RFX4: variants seen among roughly 807,000 people sequenced by gnomAD.
RFX4 encodes regulatory factor X4.
RFX4 carries 10 observed loss-of-function variants against 95.0 expected under a neutral mutation model. The observed-to-expected ratio is 0.11, with a 90% CI of 0.06 to 0.18. RFX4 has a LOEUF of 0.18. RFX4 is among the 10% of genes least tolerant of loss of function. The pLI, the probability that RFX4 is intolerant of heterozygous loss-of-function variation, is 1.00. For synonymous variants in RFX4, 321 were observed against 340.7 expected (o/e 0.94, Z 0.64); for missense variants, 640 against 922.0 (o/e 0.69, Z 3.96).
chr12:106,663,318 T>C (rs2041112365), intron 4 of RFX4, among the ~76,000 whole-genome samples: 1 of 152,108 alleles, frequency 6.6e-6, no homozygotes, highest in Admixed American at 6.5e-5. Context: ...GAGGGGATGC[T>C]AACATAAATA....
chr12:106,583,088 C>A lies in RFX4; in HGVS notation c.-233C>A. ...CTCGCTTTTTCTCTCTCCCCCTTCT[C>A]CGAGCTCGCTCCCTTCTCTCCCTCT... is the stretch of plus-strand genomic sequence containing the variant. On this transcript the variant is annotated 5_prime_UTR_variant, in exon 1 of 18. Transcript: ENST00000392842. 1 of 448,994 alleles carries A rather than the reference C, an allele frequency of 2.2e-6. No individual in the cohort carries two copies. Among genetic ancestry groups the A allele is most frequent in the Non-Finnish European group, 3.9e-6 (1 of 259,144 alleles). The allele number at this position is 448,994 out of a possible 1,614,324, so 27.8% of individuals were successfully genotyped here.
chr12:106,664,536 C>T (rs531993346), intron 4 of RFX4, among the ~76,000 whole-genome samples: 1 of 151,734 alleles, frequency 6.6e-6, no homozygotes, highest in African/African-American at 2.4e-5. Context: ...TTATTGATTT[C>T]CTGTTTTCAA....
chr12:106,641,029 C>T (rs2040612711), intron 3 of RFX4, among the ~76,000 whole-genome samples: 1 of 152,146 alleles, frequency 6.6e-6, no homozygotes, highest in Non-Finnish European at 1.5e-5. Context: ...GACCCTCCTG[C>T]CTTGGCCTGT....
chr12:106,729,003 G>A (rs547811347), intron 13 of RFX4, among the ~76,000 whole-genome samples: 3 of 152,298 alleles, frequency 2.0e-5, no homozygotes, highest in African/African-American at 7.2e-5. Flanking sequence ...TGTCAAATCC[G>A]CACTTTCCCT....
chr12:106,683,485 A>AC (rs2041569918), intron 5 of RFX4: 1 of 149,826 alleles, frequency 6.7e-6, no homozygotes, highest in African/African-American at 2.4e-5. Context: ...AAAAAAAAAA[A>AC]AAAAAAAAAA....
chr12:106,760,665 T>G (rs2043192808), intron 17 of RFX4, among the ~76,000 whole-genome samples: 1 of 152,230 alleles, frequency 6.6e-6, no homozygotes, highest in South Asian at 2.1e-4. Context: ...AAAGCCTGCT[T>G]TTAGGCTGAA....
At chr12:106,678,378 TC>T (rs769616657) in intron 4 of RFX4, among the ~76,000 whole-genome samples, 11 of 152,316 alleles carry the variant, frequency 7.2e-5, no homozygotes, top group South Asian at 2.1e-4. Flanking sequence ...GTCTCTTAAA[TC>T]AAGTAATCAT....
chr12:106,607,565 T>TGGG (rs1053070026), intron 1 of RFX4, among the ~76,000 whole-genome samples: 1 of 7,612 alleles, frequency 1.3e-4, no homozygotes, highest in Non-Finnish European at 2.5e-4. Context: ...CTAAGTATAA[T>TGGG]GGGGGGTGGG....
chr12:106,737,176 T>G lies in RFX4; in HGVS notation c.1633+4091T>G, dbSNP rs1029222393. Among the ~76,000 whole-genome samples the G allele has an allele frequency of 2.3e-4, 19 of 80,934 alleles. No homozygotes were observed. The East Asian group carries it at 2.5e-3, about 10-fold the overall frequency. 53.1% of individuals were successfully genotyped at this position (80,934 alleles called of 152,430 possible). A position where few individuals can be genotyped will look rare whatever the true frequency, so the allele number is the denominator to read the frequency against. ...TCGGAACTAAAGTTTTTTTTTTTTTTTTTTTTTTTTTTTTTTTTTTTTTTT... is the reference window on the plus strand; with the variant it reads ...TCGGAACTAAAGTTTTTTTTTTTTTGTTTTTTTTTTTTTTTTTTTTTTTTT... On this transcript the variant is annotated intron_variant, in intron 15 of 17. Transcript: ENST00000392842.
chr12:106,595,271 T>TGCCTCCCC (rs1052996043), intron 1 of RFX4, among the ~76,000 whole-genome samples: 3 of 152,194 alleles, frequency 2.0e-5, no homozygotes, highest in East Asian at 3.8e-4. Flanking sequence ...GTTGCCTCCT[T>TGCCTCCCC]GCCTCCCCAA....
At chr12:106,592,944 T>C (rs1223553838) in intron 1 of RFX4, among the ~76,000 whole-genome samples, 3 of 152,302 alleles carry the variant, frequency 2.0e-5, no homozygotes, top group Non-Finnish European at 4.4e-5. Context: ...AAGAATGAAA[T>C]GCAGCCATTT....
chr12:106,599,825 A>C (rs1479430446), intron 1 of RFX4, among the ~76,000 whole-genome samples: 1 of 152,068 alleles, frequency 6.6e-6, no homozygotes, highest in Non-Finnish European at 1.5e-5. Flanking sequence ...ATCCTGGTTT[A>C]TGCATGTGAT....
At chr12:106,601,476 CA>C in intron 1 of RFX4, 1 of 955,530 alleles carries the variant, frequency 1.0e-6, no homozygotes, top group Non-Finnish European at 1.6e-6. Context: ...TCTGGAGCTG[CA>C]ATTTCCTAAA....
intron 2 of RFX4, among the ~76,000 whole-genome samples, chr12:106,632,795 A>G (rs1036202164): frequency 6.6e-6 from 1 of 152,036 alleles, no homozygotes; most frequent in African/African-American, 2.4e-5. Context: ...CTGGGACTAC[A>G]AGTGCATGCC....
intron 4 of RFX4, among the ~76,000 whole-genome samples, chr12:106,656,239 T>C (rs1592903409): frequency 6.6e-6 from 1 of 152,208 alleles, no homozygotes; most frequent in South Asian, 2.1e-4. Flanking sequence ...TGTGTGGCTG[T>C]TTAACTTAAA....
At chr12:106,583,458 G>C in intron 1 of RFX4, 95 bp downstream of exon 1, 1 of 1,257,884 alleles carries the variant, frequency 7.9e-7, no homozygotes, top group Non-Finnish European at 1.1e-6. Flanking sequence ...GTTCAGACGG[G>C]TCAACTTGAC....
At chr12:106,703,240 A>G (rs2042024030) in intron 8 of RFX4, among the ~76,000 whole-genome samples, 3 of 152,178 alleles carry the variant, frequency 2.0e-5, no homozygotes, top group Non-Finnish European at 4.4e-5. Flanking sequence ...AAGAAAAGTT[A>G]TAATTTTGTA....
At chr12:106,631,507 G>A (rs1013297310) in intron 2 of RFX4, among the ~76,000 whole-genome samples, 1 of 152,206 alleles carries the variant, frequency 6.6e-6, no homozygotes. Flanking sequence ...CTTTGGGGAA[G>A]GGTTAGGTCA....
chr12:106,690,031 A>G (rs930327284), intron 7 of RFX4, among the ~76,000 whole-genome samples: 3 of 152,144 alleles, frequency 2.0e-5, no homozygotes, highest in Non-Finnish European at 2.9e-5. Context: ...AAAACCCAGT[A>G]GCTATTGATG....
Sources: gnomAD v4.1 joint callset for allele counts (sites outside exome capture counted in the v4.1 genomes callset) on GRCh38, gnomAD v4.1.1 for gene constraint, MANE v1.5 for transcripts, NCBI Gene and HGNC (gene_info 2026-07-23, HGNC 2026-07-21) for gene names.